GPC6: variants seen among roughly 807,000 people sequenced by gnomAD.
GPC6 encodes the protein glypican 6.
A neutral mutation model predicts 55.2 loss-of-function variants in GPC6; 14 were observed. The ratio of observed to expected loss-of-function variants is 0.25; its 90% CI spans 0.17 to 0.40. The LOEUF (loss-of-function observed/expected upper bound fraction) is 0.40. Among genes scored for constraint, GPC6 ranks in the 10% least tolerant of loss-of-function variants. The pLI, the probability that GPC6 is intolerant of heterozygous loss-of-function variation, is 1.00. For synonymous variants in GPC6, 278 were observed against 259.6 expected, an observed-to-expected ratio of 1.07 and a Z score of -0.68; for missense variants, 641 against 708.5, an observed-to-expected ratio of 0.90 and a Z score of 1.08.
chr13:94,303,844 T>TTAA (rs1875799213), intron 5 of GPC6, among the ~76,000 whole-genome samples: 1 of 152,130 alleles, frequency 6.6e-6, no homozygotes, highest in African/African-American at 2.4e-5. Context: ...ACACTAATAT[T>TTAA]CTTTCAGGGC....
chr13:93,266,427 A>G (rs565305509), intron 1 of GPC6, among the ~76,000 whole-genome samples: 41 of 152,326 alleles, frequency 2.7e-4, no homozygotes, highest in African/African-American at 9.9e-4. Context: ...AAACTGGCAG[A>G]AATGATGCTG....
chr13:94,020,304 G>T (rs1882647511), intron 3 of GPC6, among the ~76,000 whole-genome samples: 1 of 152,094 alleles, frequency 6.6e-6, no homozygotes, highest in Non-Finnish European at 1.5e-5. Flanking sequence ...TTTTCCCTCT[G>T]TTACTGATTT....
intron 3 of GPC6, among the ~76,000 whole-genome samples, chr13:93,875,682 TTAGTATGTGA>T (rs1889270900): frequency 6.6e-6 from 1 of 152,046 alleles, no homozygotes; most frequent in African/African-American, 2.4e-5. Context: ...AGCATTTAGC[TTAGTATGTGA>T]CACCTGGCAG....
At chr13:94,210,865 T>A (rs1890054415) in intron 4 of GPC6, among the ~76,000 whole-genome samples, 2 of 152,230 alleles carry the variant, frequency 1.3e-5, no homozygotes, top group Admixed American at 1.3e-4. Context: ...ATTACAGTTT[T>A]AAAATGTTTT....
At chr13:94,393,614 A>G (rs1880765263) in intron 7 of GPC6, among the ~76,000 whole-genome samples, 1 of 152,112 alleles carries the variant, frequency 6.6e-6, no homozygotes, top group Non-Finnish European at 1.5e-5. Context: ...GGGAAGAATC[A>G]TGCACCTGAG....
intron 1 of GPC6, among the ~76,000 whole-genome samples, chr13:93,314,758 C>T (rs1357844541): frequency 8.9e-6 from 1 of 112,296 alleles, no homozygotes. Context: ...TGTGTGTGTG[C>T]ACGCATGTGC....
At chr13:93,613,502 A>G (rs1878576188) in intron 2 of GPC6, among the ~76,000 whole-genome samples, 1 of 147,774 alleles carries the variant, frequency 6.8e-6, no homozygotes, top group Non-Finnish European at 1.5e-5. Flanking sequence ...TCTGTGACAG[A>G]CAAGCAAACA....
intron 4 of GPC6, among the ~76,000 whole-genome samples, chr13:94,086,697 G>A (rs1354712021): frequency 2.7e-5 from 4 of 145,522 alleles, no homozygotes; most frequent in African/African-American, 9.7e-5. Context: ...TAAGAGACAT[G>A]ATTGATTGTA....
chr13:93,851,426 CTT>C (rs759320753), intron 3 of GPC6, among the ~76,000 whole-genome samples: 40 of 151,810 alleles, frequency 2.6e-4, no homozygotes, highest in Non-Finnish European at 5.9e-4. Context: ...TGGCATAGCA[CTT>C]TGTTAGAGGG....
At chr13:93,966,679 G>A (rs929871269) in intron 3 of GPC6, among the ~76,000 whole-genome samples, 2 of 128,976 alleles carry the variant, frequency 1.6e-5, no homozygotes. Flanking sequence ...TTGAGATGTG[G>A]TCTCACTGTC....
At chr13:94,242,968 CT>C (rs1891098729) in intron 4 of GPC6, among the ~76,000 whole-genome samples, 1 of 151,418 alleles carries the variant, frequency 6.6e-6, no homozygotes, top group African/African-American at 2.4e-5. Flanking sequence ...AAAAGTACCA[CT>C]TGTGGAATGC....
intron 4 of GPC6, among the ~76,000 whole-genome samples, chr13:94,209,674 T>C (rs1203405748): frequency 6.6e-6 from 1 of 152,182 alleles, no homozygotes; most frequent in African/African-American, 2.4e-5. Context: ...TACACAGTTC[T>C]GATAATATCA....
intron 4 of GPC6, among the ~76,000 whole-genome samples, chr13:94,278,738 A>G (rs572665577): frequency 4.9e-4 from 74 of 152,206 alleles, no homozygotes; most frequent in Non-Finnish European, 8.1e-4. Flanking sequence ...TGGATTACAT[A>G]TATTGATTTG....
intron 2 of GPC6, among the ~76,000 whole-genome samples, chr13:93,807,090 TTTTGA>T (rs547772607): frequency 4.6e-5 from 7 of 152,172 alleles, no homozygotes; most frequent in Non-Finnish European, 1.0e-4. Context: ...TTCAGCAAAC[TTTTGA>T]TTTATCTTTT....
intron 2 of GPC6, among the ~76,000 whole-genome samples, chr13:93,681,214 T>C (rs1358472014): frequency 1.3e-5 from 2 of 152,186 alleles, no homozygotes; most frequent in Admixed American, 1.3e-4. Flanking sequence ...TTTTTAATGG[T>C]ATTGCAGTAT....
chr13:93,270,913 T>C (rs1471599086), intron 1 of GPC6, among the ~76,000 whole-genome samples: 2 of 152,190 alleles, frequency 1.3e-5, no homozygotes, highest in Non-Finnish European at 2.9e-5. Flanking sequence ...ATTGTAGGTC[T>C]GTATTTAGAT....
intron 4 of GPC6, among the ~76,000 whole-genome samples, chr13:94,030,781 A>G (rs574261058): frequency 3.3e-5 from 5 of 152,238 alleles, no homozygotes; most frequent in African/African-American, 1.2e-4. Context: ...TAATGTGCCT[A>G]TCTAAAATGT....
chr13:94,340,903 A>T (rs1441775896), intron 6 of GPC6, among the ~76,000 whole-genome samples: 9 of 152,262 alleles, frequency 5.9e-5, no homozygotes, highest in Admixed American at 5.9e-4. Context: ...TCATATTAAA[A>T]GTATTTAGTA....
rs931042288 is a variant in GPC6 at position 93,803,798 on chromosome 13, A to G, written c.320-26356A>G. On this transcript the variant is annotated intron_variant, in intron 2 of 8. Transcript: ENST00000377047. The stretch of plus-strand genomic sequence containing the variant: ...CATGCTGCAATATGGATGAACTTCA[A>G]AATCATTATGCTAAGGGCAAAGAGC... 2.6e-5 allele frequency among the ~76,000 whole-genome samples: 4 copies of G among 152,194 alleles called. No individual in the cohort carries two copies. In the South Asian group the frequency reaches 6.2e-4, roughly 24 times the overall value.
Sources: gnomAD v4.1 joint callset for allele counts (sites outside exome capture counted in the v4.1 genomes callset) on GRCh38, gnomAD v4.1.1 for gene constraint, MANE v1.5 for transcripts, NCBI Gene and HGNC (gene_info 2026-07-23, HGNC 2026-07-21) for gene names.